The following MTSS1 variants were observed in gnomAD, a reference collection of about 807,000 sequenced individuals.
MTSS1 encodes protein MTSS 1.
A neutral mutation model predicts 79.0 loss-of-function variants in MTSS1; 18 were observed. The observed-to-expected ratio is 0.23, with a 90% CI of 0.16 to 0.34. MTSS1 has a LOEUF of 0.34. MTSS1 is among the 10% of genes least tolerant of loss of function. The probability of loss-of-function intolerance (pLI) is 1.00; values close to 1 mark genes in which losing one functional copy is unlikely to be tolerated. For missense variants in MTSS1, 815 were observed against 986.2 expected (o/e 0.83, Z 2.33); for synonymous variants, 341 against 368.6 (o/e 0.93, Z 0.86).
In MTSS1 at chr8:124,562,863, G is replaced by A. The variant is rs756718403; in HGVS notation, c.954C>T (p.Ser318=). The A allele has an allele frequency of 6.2e-7, 1 of 1,614,132 alleles. No homozygotes were observed. The highest frequency in any genetic ancestry group is 8.5e-7 in the Non-Finnish European group (1 of 1,180,020). ...QQAPVRLSSV[S]SHDSGFISQD... is the part of the protein sequence containing the mutation. Reference sequence around the variant, plus strand: ...GGGATATGAATCCTGAGTCATGGGAGGACACGCTGGACAGCCTCACAGGAG... The same window carrying A: ...GGGATATGAATCCTGAGTCATGGGAAGACACGCTGGACAGCCTCACAGGAG... The change falls in exon 10 of 14, where the codon TCC becomes TCT. Residue 318 remains serine (S), a synonymous_variant. Transcript: ENST00000518547.
At chr8:124,663,155 G>GT in intron 3 of MTSS1, among the ~76,000 whole-genome samples, 1 of 152,252 alleles carries the variant, frequency 6.6e-6, no homozygotes, top group Non-Finnish European at 1.5e-5. Flanking sequence ...ACCTGCACAC[G>GT]TGTCTCTAGG....
chr8:124,590,674 T>C (rs779098729), intron 4 of MTSS1, among the ~76,000 whole-genome samples: 2 of 152,218 alleles, frequency 1.3e-5, no homozygotes, highest in African/African-American at 4.8e-5. Context: ...CGGTGCCAGC[T>C]ACTACCATTT....
chr8:124,572,673 G>A (rs1447290243), intron 6 of MTSS1, among the ~76,000 whole-genome samples: 1 of 151,358 alleles, frequency 6.6e-6, no homozygotes, highest in East Asian at 1.9e-4. Context: ...AGCCCCTAAT[G>A]TCTCACCCCA....
intron 2 of MTSS1, among the ~76,000 whole-genome samples, chr8:124,700,189 G>C (rs1829514019): frequency 6.6e-6 from 1 of 151,350 alleles, no homozygotes; most frequent in Admixed American, 6.6e-5. Context: ...GTTTTATACA[G>C]GAGGAAAACA....
At chr8:124,673,445 C>T (rs539314753) in intron 3 of MTSS1, 33 of 151,788 alleles carry the variant, frequency 2.2e-4, no homozygotes, top group African/African-American at 6.3e-4. Flanking sequence ...AAAAGCTGGT[C>T]ACAAGCACAT....
At chr8:124,708,918 C>T (rs773816424) in intron 1 of MTSS1, among the ~76,000 whole-genome samples, 2 of 150,246 alleles carry the variant, frequency 1.3e-5, no homozygotes, top group Admixed American at 6.6e-5. Flanking sequence ...AGACAAAAAC[C>T]TCCTTGTTGA....
At chr8:124,717,024 A>G (rs1221609707) in intron 1 of MTSS1, among the ~76,000 whole-genome samples, 3 of 148,316 alleles carry the variant, frequency 2.0e-5, no homozygotes, top group Non-Finnish European at 4.4e-5. Context: ...AAAAAACTGG[A>G]CGCAACCTAA....
At chr8:124,681,083 G>C (rs570585927) in intron 3 of MTSS1, among the ~76,000 whole-genome samples, 27 of 152,210 alleles carry the variant, frequency 1.8e-4, no homozygotes, top group African/African-American at 6.5e-4. Flanking sequence ...CAATGTCCTA[G>C]TGTCAGATGC....
chr8:124,719,093 A>C (rs1454082054), intron 1 of MTSS1, among the ~76,000 whole-genome samples: 1 of 152,166 alleles, frequency 6.6e-6, no homozygotes, highest in African/African-American at 2.4e-5. Context: ...AGCGAGAGAG[A>C]GCCCAGTCCT....
At position 124,556,353 on chromosome 8, in the gene MTSS1, C is replaced by T. The variant is rs1252270636; in HGVS notation, c.1283G>A (p.Arg428His). 1.1e-5 allele frequency: 18 copies of T among 1,614,000 alleles called. No individual in the cohort carries two copies. Among genetic ancestry groups the T allele is most frequent in the East Asian group, 8.9e-5 (4 of 44,876 alleles). Residue 428 changes from arginine (R) to histidine (H), a missense_variant, in exon 12 of 14, where the codon CGC becomes CAC. By Grantham distance (29) the Arg-to-His change is conservative. Transcript: ENST00000518547. Reference protein sequence around the residue: ...YDQPLVNTLQRRKEKREPDPN... With the variant: ...YDQPLVNTLQHRKEKREPDPN... Reference sequence around the variant, plus strand: ...GTCCGGTTCTCGCTTCTCTTTGCGGCGCTGCAGGGTGTTCACCAGAGGCTG... The same window carrying T: ...GTCCGGTTCTCGCTTCTCTTTGCGGTGCTGCAGGGTGTTCACCAGAGGCTG...
At chr8:124,586,819 A>C (rs998190364) in intron 5 of MTSS1, among the ~76,000 whole-genome samples, 14 of 152,162 alleles carry the variant, frequency 9.2e-5, no homozygotes, top group African/African-American at 3.1e-4. Context: ...ATGTGACCCC[A>C]AAGAAGAAAA....
chr8:124,672,529 GGCATGGTGGCTCAT>G (rs1172948770), intron 3 of MTSS1, among the ~76,000 whole-genome samples: 2 of 152,006 alleles, frequency 1.3e-5, no homozygotes, highest in Non-Finnish European at 2.9e-5. Flanking sequence ...GAAAGGGCTG[GGCATGGTGGCTCAT>G]GCATGTAATC....
intron 3 of MTSS1, among the ~76,000 whole-genome samples, chr8:124,598,336 T>C (rs1833123648): frequency 1.3e-5 from 2 of 152,188 alleles, no homozygotes; most frequent in South Asian, 2.1e-4. Flanking sequence ...TTTTGTGTCC[T>C]GTGTATTGTA....
intron 3 of MTSS1, among the ~76,000 whole-genome samples, chr8:124,661,705 G>A (rs1238844023): frequency 6.6e-6 from 1 of 152,144 alleles, no homozygotes; most frequent in African/African-American, 2.4e-5. Flanking sequence ...TCAAAGGCCG[G>A]GGCTAGGGAG....
rs78177806 is a variant in MTSS1 at position 124,660,004 on chromosome 8, G to A, written c.208+39522C>T. Among the ~76,000 whole-genome samples the A allele has an allele frequency of 3.4e-3, 519 of 152,196 alleles. 3 individuals carry two copies. The highest frequency in any genetic ancestry group is 0.012 in the African/African-American group (491 of 41,480). On this transcript the variant is annotated intron_variant, in intron 3 of 13. Coordinates refer to ENST00000518547, the MANE Select transcript of MTSS1 (RefSeq NM_014751.6). Reference sequence around the variant, plus strand: ...CCATGGAACTTGAACTTGAATAAGAGCCATAGAGTATTAGAAGCAGTCTCT... The same window carrying A: ...CCATGGAACTTGAACTTGAATAAGAACCATAGAGTATTAGAAGCAGTCTCT...
intron 1 of MTSS1, among the ~76,000 whole-genome samples, chr8:124,723,592 C>T (rs990721687): frequency 6.6e-6 from 1 of 152,144 alleles, no homozygotes; most frequent in Non-Finnish European, 1.5e-5. Flanking sequence ...ACCCAAAAAA[C>T]CAAAAAGATG....
intron 3 of MTSS1, among the ~76,000 whole-genome samples, chr8:124,592,155 T>C (rs1831988749): frequency 6.6e-6 from 1 of 152,166 alleles, no homozygotes; most frequent in South Asian, 2.1e-4. Flanking sequence ...ATGAAGGAAG[T>C]TGCAGCCCAG....
chr8:124,684,094 AC>A (rs1826569132), intron 3 of MTSS1, among the ~76,000 whole-genome samples: 1 of 151,856 alleles, frequency 6.6e-6, no homozygotes, highest in South Asian at 2.1e-4. Context: ...GATAGCAAAA[AC>A]CTTTCTTTAT....
At chr8:124,600,055 C>CA (rs1177818674) in intron 3 of MTSS1, among the ~76,000 whole-genome samples, 1,432 of 72,758 alleles carry the variant, frequency 0.02, 16 homozygotes, top group African/African-American at 0.12. Context: ...AAAAAAAAAA[C>CA]AAAAAAAAAA....
Sources: gnomAD v4.1 joint callset for allele counts (sites outside exome capture counted in the v4.1 genomes callset) on GRCh38, gnomAD v4.1.1 for gene constraint, MANE v1.5 for transcripts, NCBI Gene and HGNC (gene_info 2026-07-23, HGNC 2026-07-21) for gene names.